PTAR1: variants seen among roughly 807,000 people sequenced by gnomAD.
The protein encoded by PTAR1 is protein prenyltransferase alpha subunit repeat containing 1.
A neutral mutation model predicts 45.5 loss-of-function variants in PTAR1; 17 were observed. The ratio of observed to expected loss-of-function variants is 0.37; its 90% confidence interval spans 0.26 to 0.56. The LOEUF (loss-of-function observed/expected upper bound fraction) is 0.56. Among genes scored for constraint, PTAR1 ranks in the 20% least tolerant of loss-of-function variants. The pLI is 0.77. For missense variants in PTAR1, 391 were observed against 476.3 expected (o/e 0.82, Z 1.67); for synonymous variants, 169 against 171.3 (o/e 0.99, Z 0.11).
chr9:69,742,731 T>C (rs1826095340), intron 2 of PTAR1, among the ~76,000 whole-genome samples: 2 of 152,220 alleles, frequency 1.3e-5, no homozygotes, highest in South Asian at 2.1e-4. Context: ...AACTGACCTA[T>C]ATATATTTTT....
intron 4 of PTAR1, among the ~76,000 whole-genome samples, chr9:69,732,795 C>T (rs1468669192): frequency 6.6e-6 from 1 of 152,048 alleles, no homozygotes; most frequent in East Asian, 1.9e-4. Context: ...TGTTTGCAAA[C>T]AAGAAGCTGC....
At chr9:69,754,724 T>TATA (rs1564149668) in intron 1 of PTAR1, among the ~76,000 whole-genome samples, 1,580 of 16,794 alleles carry the variant, frequency 0.094, 29 homozygotes, top group African/African-American at 0.14. Flanking sequence ...ATATATATAT[T>TATA]TTTTTTTTTT....
At chr9:69,722,795 C>G (rs1588445465) in intron 6 of PTAR1, among the ~76,000 whole-genome samples, 1 of 151,420 alleles carries the variant, frequency 6.6e-6, no homozygotes, top group Non-Finnish European at 1.5e-5. Context: ...AAAAATTAGC[C>G]CGGTGTGGTG....
At chr9:69,731,365 T>C (rs1026662221) in intron 5 of PTAR1, among the ~76,000 whole-genome samples, 4 of 152,174 alleles carry the variant, frequency 2.6e-5, no homozygotes, top group African/African-American at 9.7e-5. Flanking sequence ...ATGAGCACCC[T>C]AGATTCTTAT....
At chr9:69,747,096 CTT>C (rs1019244780) in intron 2 of PTAR1, among the ~76,000 whole-genome samples, 3 of 152,310 alleles carry the variant, frequency 2.0e-5, no homozygotes, top group South Asian at 2.1e-4. Flanking sequence ...CTTACAAACT[CTT>C]GTTACTCGTT....
intron 1 of PTAR1, among the ~76,000 whole-genome samples, chr9:69,755,338 G>C (rs1826725466): frequency 6.6e-6 from 1 of 152,140 alleles, no homozygotes. Context: ...TCACAATAGG[G>C]ATCCATTCAT....
rs767347615 is a variant in PTAR1 at position 69,723,386 on chromosome 9, ACTT to A, written c.884_886del (p.Glu295del). On this transcript the variant is annotated inframe_deletion, in exon 6 of 8. Coordinates refer to ENST00000340434, the MANE Select transcript of PTAR1 (RefSeq NM_001099666.2). ...ATCAATAAGATCAGTGCTGAATTCA[ACTT>A]CTTCTTCTAGAAGATGGGGAAGATT... 3.9e-5 allele frequency: 63 copies of A among 1,613,736 alleles called. No homozygotes were observed. The highest frequency in any genetic ancestry group is 7.7e-5 in the South Asian group (7 of 91,088).
chr9:69,746,391 G>C (rs1389325696), intron 2 of PTAR1, among the ~76,000 whole-genome samples: 1 of 152,206 alleles, frequency 6.6e-6, no homozygotes, highest in Admixed American at 6.5e-5. Context: ...CTGCTGTCCT[G>C]CAAAGCAGAT....
At position 69,716,007 on chromosome 9, in the gene PTAR1, A is replaced by G. The variant is rs1824714505; in HGVS notation, c.*2335T>C. The G allele has an allele frequency of 6.6e-6, 1 of 152,156 alleles. No individual in the cohort carries two copies. Among genetic ancestry groups the G allele is most frequent in the African/African-American group, 2.4e-5 (1 of 41,452 alleles). The allele number at this position is 152,156 out of a possible 1,614,324, so 9.4% of individuals were successfully genotyped here. ...TATGAAAATAGTTTACACACCAAAGATAGGCAAGATAATCAGTGGAAGGTA... is the reference window on the plus strand; with the variant it reads ...TATGAAAATAGTTTACACACCAAAGGTAGGCAAGATAATCAGTGGAAGGTA... On this transcript the variant is annotated 3_prime_UTR_variant, in exon 8 of 8. Transcript: ENST00000340434.
intron 5 of PTAR1, among the ~76,000 whole-genome samples, chr9:69,726,002 G>A (rs1825259640): frequency 6.6e-6 from 1 of 151,974 alleles, no homozygotes; most frequent in Non-Finnish European, 1.5e-5. Flanking sequence ...TGAAAAAGAG[G>A]GATAACGTGC....
At position 69,711,666 on chromosome 9, in the gene PTAR1, C is replaced by T. The variant is rs1824530114; in HGVS notation, c.*6676G>A. On this transcript the variant is annotated 3_prime_UTR_variant, in exon 8 of 8. Transcript: ENST00000340434. The stretch of plus-strand genomic sequence containing the variant: ...GCAGTTCTCTCTAGAGTTCAGCCAG[C>T]TGCTTATTAAGACATTTAATTACAT... 1.3e-5 allele frequency: 2 copies of T among 152,276 alleles called. No individual in the cohort carries two copies. The highest frequency in any genetic ancestry group is 4.8e-5 in the African/African-American group (2 of 41,570). 9.4% of individuals were successfully genotyped at this position (152,276 alleles called of 1,614,324 possible).
Position 69,718,148 on chromosome 9 carries a change from G to A in PTAR1, c.*194C>T, listed in dbSNP as rs1162740582. ...GCTGTTCAGCAGGAAGGAACTATAC[G>A]ATTATTTTATCCCCACAGGAATGCC... On this transcript the variant is annotated 3_prime_UTR_variant, in exon 8 of 8. Transcript: ENST00000340434. 27 of 508,990 alleles carry A rather than the reference G, an allele frequency of 5.3e-5. No homozygotes were observed. In the South Asian group the frequency reaches 6.8e-4, roughly 13 times the overall value. The allele number at this position is 508,990 out of a possible 1,614,324, so 31.5% of individuals were successfully genotyped here.
At chr9:69,741,985 T>A (rs991525024) in intron 2 of PTAR1, 127 bp from the exon 3 acceptor site, 2 of 624,802 alleles carry the variant, frequency 3.2e-6, no homozygotes, top group Non-Finnish European at 5.7e-6. Context: ...CATACTAACT[T>A]TAATGATAAA....
chr9:69,747,940 T>C (rs1020610688), intron 2 of PTAR1, among the ~76,000 whole-genome samples: 4 of 152,144 alleles, frequency 2.6e-5, no homozygotes, highest in Non-Finnish European at 1.5e-5. Context: ...ACGTTGACCC[T>C]GTGGGTATCA....
At chr9:69,758,001 A>T (rs1326213062) in intron 1 of PTAR1, 1 of 152,244 alleles carries the variant, frequency 6.6e-6, no homozygotes, top group Non-Finnish European at 1.5e-5. Flanking sequence ...CATTATTCCG[A>T]ATATCCAACT....
intron 3 of PTAR1, among the ~76,000 whole-genome samples, chr9:69,736,504 C>T (rs1825796459): frequency 6.6e-6 from 1 of 152,160 alleles, no homozygotes; most frequent in African/African-American, 2.4e-5. Flanking sequence ...TTGCAGTGAG[C>T]CAAGATCGCG....
chr9:69,712,379 T>C lies in PTAR1; in HGVS notation c.*5963A>G, dbSNP rs1028767370. 6.6e-6 allele frequency: 1 copy of C among 152,310 alleles called. No homozygotes were observed. Among genetic ancestry groups the C allele is most frequent in the East Asian group, 1.9e-4 (1 of 5,190 alleles). The allele number at this position is 152,310 out of a possible 1,614,324, so 9.4% of individuals were successfully genotyped here. A position where few individuals can be genotyped will look rare whatever the true frequency, so the allele number is the denominator to read the frequency against. The stretch of plus-strand genomic sequence containing the variant: ...GTGTTGGTCTAATAAAGAAAACTGC[T>C]TTAAGTAGGAGCACTTTTAGCATAC... On this transcript the variant is annotated 3_prime_UTR_variant, in exon 8 of 8. Coordinates refer to ENST00000340434, the MANE Select transcript of PTAR1 (RefSeq NM_001099666.2).
At chr9:69,732,671 G>GT (rs1554716330) in intron 4 of PTAR1, among the ~76,000 whole-genome samples, 2 of 151,152 alleles carry the variant, frequency 1.3e-5, no homozygotes, top group Admixed American at 6.6e-5. Context: ...AAAGGCAATT[G>GT]GTGTGTGTGT....
chr9:69,719,127 T>C (rs1043778397), intron 6 of PTAR1, among the ~76,000 whole-genome samples: 1 of 152,212 alleles, frequency 6.6e-6, no homozygotes, highest in Admixed American at 6.5e-5. Flanking sequence ...AGAGGCTTAA[T>C]CTGTGGCCTC....
Sources: allele counts gnomAD v4.1 joint callset (sites outside exome capture counted in the v4.1 genomes callset), GRCh38; gene constraint gnomAD v4.1.1; transcripts MANE v1.5; gene names NCBI Gene and HGNC (gene_info 2026-07-23, HGNC 2026-07-21).